Variants in SORBS2 observed in about 807,000 individuals in gnomAD.
SORBS2 encodes the protein sorbin and SH3 domain containing 2.
SORBS2 carries 46 observed loss-of-function variants against 97.7 expected under a neutral mutation model. That is an observed-to-expected ratio of 0.47 (90% CI 0.37 to 0.60). The LOEUF (loss-of-function observed/expected upper bound fraction) is 0.60, where lower values mean the gene tolerates loss of function less well. SORBS2 is among the 20% of genes least tolerant of loss of function. The pLI, the probability that SORBS2 is intolerant of heterozygous loss-of-function variation, is 0.00. For synonymous variants in SORBS2, 476 were observed against 473.4 expected (o/e 1.01, Z -0.07); for missense variants, 1,316 against 1,282.3 (o/e 1.03, Z -0.40).
chr4:185,918,897 C>A (rs1347191414), intron 1 of SORBS2, among the ~76,000 whole-genome samples: 1 of 152,136 alleles, frequency 6.6e-6, no homozygotes, highest in Non-Finnish European at 1.5e-5. Context: ...ACAATGGATG[C>A]ACAAATGATC....
chr4:185,888,173 G>T (rs1457030321), intron 1 of SORBS2, among the ~76,000 whole-genome samples: 1 of 152,030 alleles, frequency 6.6e-6, no homozygotes, highest in Admixed American at 6.6e-5. Context: ...GCTCGTGCTA[G>T]TAATGGCTCC....
chr4:185,615,231 G>T, intron 9 of SORBS2, 72 bp from the exon 22 acceptor site: 1 of 898,012 alleles, frequency 1.1e-6, no homozygotes. Flanking sequence ...ACCCTCGCTA[G>T]ATCTGCATTT....
intron 4 of SORBS2, among the ~76,000 whole-genome samples, chr4:185,643,548 G>A (rs1016438295): frequency 6.6e-6 from 1 of 152,148 alleles, no homozygotes; most frequent in Non-Finnish European, 1.5e-5. Context: ...GACTGGAGAG[G>A]TAGGGAAATG....
intron 2 of SORBS2, among the ~76,000 whole-genome samples, chr4:185,732,986 G>C (rs951956289): frequency 6.6e-6 from 1 of 152,232 alleles, no homozygotes; most frequent in Non-Finnish European, 1.5e-5. Flanking sequence ...GCAACCACCA[G>C]AAGTGGGAAG....
chr4:185,878,642 C>G (rs547641010), intron 1 of SORBS2, among the ~76,000 whole-genome samples: 1 of 152,280 alleles, frequency 6.6e-6, no homozygotes, highest in African/African-American at 2.4e-5. Context: ...TCCTGGACCC[C>G]GGGATTCCTT....
At chr4:185,659,667 C>T (rs1401952700), upstream of SORBS2, among the ~76,000 whole-genome samples, 2 of 152,074 alleles carry the variant, frequency 1.3e-5, no homozygotes, top group Admixed American at 6.5e-5. Context: ...GTGATCCACC[C>T]GCCTCGGCCT....
At chr4:185,646,517 A>G (rs2097211362) in intron 4 of SORBS2, 151 bp downstream of exon 13, 1 of 581,026 alleles carries the variant, frequency 1.7e-6, no homozygotes, top group Admixed American at 3.0e-5. Flanking sequence ...CAATTCTGAG[A>G]TGAGATGTAC....
chr4:185,666,313 T>C, intron 4 of SORBS2: 1 of 506,808 alleles, frequency 2.0e-6, no homozygotes, highest in Non-Finnish European at 3.3e-6. Flanking sequence ...TTGCAAGCAC[T>C]TTAAGGAGTT....
intron 1 of SORBS2, among the ~76,000 whole-genome samples, chr4:185,901,392 C>T (rs1480445516): frequency 6.6e-6 from 1 of 151,994 alleles, no homozygotes; most frequent in African/African-American, 2.4e-5. Context: ...TTAGTAGAAA[C>T]GGGGTTTCTC....
At chr4:185,644,103 A>G (rs1311864026) in intron 4 of SORBS2, among the ~76,000 whole-genome samples, 1 of 152,186 alleles carries the variant, frequency 6.6e-6, no homozygotes, top group Non-Finnish European at 1.5e-5. Context: ...GCTGGCCAAC[A>G]TGTCCCATAT....
At chr4:185,869,568 G>A (rs991368092) in intron 1 of SORBS2, among the ~76,000 whole-genome samples, 2 of 152,214 alleles carry the variant, frequency 1.3e-5, no homozygotes, top group African/African-American at 4.8e-5. Context: ...GAGCAATAAG[G>A]CAGATGCGAA....
chr4:185,748,248 G>A, intron 2 of SORBS2, among the ~76,000 whole-genome samples: 1 of 152,158 alleles, frequency 6.6e-6, no homozygotes, highest in Admixed American at 6.5e-5. Context: ...CATGAAGTAA[G>A]TTGCAGCTCA....
chr4:185,925,002 G>A lies in SORBS2; in HGVS notation c.-338+31194C>T, dbSNP rs551609446. Among the ~76,000 whole-genome samples the A allele has an allele frequency of 3.3e-5, 5 of 152,204 alleles. No homozygotes were observed. The South Asian group carries it at 8.3e-4, about 25-fold the overall frequency. On this transcript the variant is annotated intron_variant, in intron 1 of 20. Transcript: ENST00000284776. The stretch of plus-strand genomic sequence containing the variant: ...AAAATCACTCTGACAAGGCTTTTCA[G>A]TGAATACACGCAGCATTAAAACAAT...
intron 4 of SORBS2, chr4:185,666,023 C>T (rs1307930016): frequency 7.8e-7 from 1 of 1,289,346 alleles, no homozygotes; most frequent in Non-Finnish European, 1.0e-6. Context: ...CGTGAAGACC[C>T]CACACCATCG....
exon 15 of SORBS2, chr4:185,586,790 T>A (rs2095805480): frequency 6.6e-6 from 1 of 152,634 alleles, no homozygotes; most frequent in South Asian, 2.1e-4. Flanking sequence ...AATAAAACAC[T>A]AAGAGCTCAT....
intron 2 of SORBS2, among the ~76,000 whole-genome samples, chr4:185,701,025 T>G (rs1547909): frequency 6.6e-6 from 1 of 152,036 alleles, no homozygotes; most frequent in Admixed American, 6.5e-5. Flanking sequence ...TTCATAATAC[T>G]CTAACTTATT....
In SORBS2 at chr4:185,718,924, C is replaced by T. The variant is rs117354925; in HGVS notation, c.-197-40102G>A. ...ATTTTCTTTGCAGGTTTGCTCTATG[C>T]AGACCTGTCATGTGGAAACTCAGAG... On this transcript the variant is annotated intron_variant, in intron 2 of 20. Transcript: ENST00000284776. Among the ~76,000 whole-genome samples, 444 of 152,306 alleles carry T rather than the reference C, an allele frequency of 2.9e-3. 10 individuals are homozygous for T. In the East Asian group the frequency reaches 0.07, roughly 24 times the overall value.
intron 11 of SORBS2, 187 bp downstream of exon 23, chr4:185,614,644 G>A: frequency 1.5e-6 from 1 of 655,624 alleles, no homozygotes; most frequent in Middle Eastern, 4.1e-4. Flanking sequence ...CCTCTAAAAG[G>A]ACACAGGGAC....
intron 1 of SORBS2, among the ~76,000 whole-genome samples, chr4:185,873,184 C>G (rs990670059): frequency 2.0e-5 from 3 of 152,222 alleles, no homozygotes; most frequent in African/African-American, 7.2e-5. Flanking sequence ...ATATAGAATT[C>G]CTCATCTGGT....
Sources: allele counts gnomAD v4.1 joint callset (sites outside exome capture counted in the v4.1 genomes callset), GRCh38; gene constraint gnomAD v4.1.1; transcripts MANE v1.5; gene names NCBI Gene and HGNC (gene_info 2026-07-23, HGNC 2026-07-21).